Variants in OSBPL9 observed in about 807,000 individuals in gnomAD.
The protein encoded by OSBPL9 is oxysterol binding protein like 9.
In OSBPL9, 40 loss-of-function variants were observed where a neutral mutation model predicts 106.6. The observed-to-expected ratio is 0.38, with a 90% CI of 0.29 to 0.49. OSBPL9 has a LOEUF of 0.49. OSBPL9 is among the 20% of genes least tolerant of loss of function. The probability of loss-of-function intolerance (pLI) is 0.97; values close to 1 mark genes in which losing one functional copy is unlikely to be tolerated. For synonymous variants in OSBPL9, 269 were observed against 295.4 expected, an observed-to-expected ratio of 0.91 and a Z score of 0.92; for missense variants, 609 against 887.2, an observed-to-expected ratio of 0.69 and a Z score of 3.98.
intron 17 of OSBPL9, 51 bp downstream of exon 17, chr1:51,782,694 A>G: frequency 6.5e-7 from 1 of 1,534,802 alleles, no homozygotes; most frequent in Non-Finnish European, 9.0e-7. Context: ...TATTCTGTCT[A>G]AAGAGGGTCA....
intron 1 of OSBPL9, among the ~76,000 whole-genome samples, chr1:51,585,016 T>C (rs1336137482): frequency 2.6e-5 from 4 of 152,024 alleles, no homozygotes; most frequent in African/African-American, 9.7e-5. Context: ...GCACTACTTA[T>C]AATGTGAGCT....
intron 23 of OSBPL9, 46 bp downstream of exon 23, chr1:51,787,534 T>C: frequency 3.7e-6 from 6 of 1,610,508 alleles, no homozygotes; most frequent in Non-Finnish European, 5.1e-6. Context: ...CCTCCTAATT[T>C]ATTTCAGTGA....
intron 1 of OSBPL9, among the ~76,000 whole-genome samples, chr1:51,578,537 T>A (rs138880623): frequency 6.6e-6 from 1 of 152,328 alleles, no homozygotes; most frequent in East Asian, 1.9e-4. Flanking sequence ...TAATCTGACT[T>A]CCTCATATTA....
intron 1 of OSBPL9, among the ~76,000 whole-genome samples, chr1:51,647,801 A>G (rs1646261880): frequency 6.6e-6 from 1 of 151,544 alleles, no homozygotes. Flanking sequence ...ATGATTTATC[A>G]ATTTTGTTGA....
intron 3 of OSBPL9, among the ~76,000 whole-genome samples, chr1:51,680,578 T>C (rs1184166778): frequency 6.6e-6 from 1 of 151,790 alleles, no homozygotes; most frequent in Non-Finnish European, 1.5e-5. Context: ...GGAGAATCAC[T>C]TGAACTCGGG....
the OSBPL9 span, among the ~76,000 whole-genome samples, chr1:51,536,290 A>G: frequency 1.9e-4 from 29 of 151,986 alleles, 2 homozygotes; most frequent in Admixed American, 1.9e-3. Flanking sequence ...CATGACTTTT[A>G]AAAAGGTTTT....
At chr1:51,658,881 A>T (rs1213209904) in intron 2 of OSBPL9, among the ~76,000 whole-genome samples, 2 of 151,790 alleles carry the variant, frequency 1.3e-5, no homozygotes, top group Admixed American at 6.6e-5. Flanking sequence ...GTGAAAAGTC[A>T]CTCTATTCAT....
intron 4 of OSBPL9, among the ~76,000 whole-genome samples, chr1:51,722,793 A>G (rs1366223438): frequency 6.6e-6 from 1 of 152,256 alleles, no homozygotes; most frequent in African/African-American, 2.4e-5. Flanking sequence ...ATATCTGGCT[A>G]AAGTTTCTAC....
At chr1:51,691,814 C>CA (rs762624730) in intron 3 of OSBPL9, among the ~76,000 whole-genome samples, 1 of 151,516 alleles carries the variant, frequency 6.6e-6, no homozygotes, top group Non-Finnish European at 1.5e-5. Flanking sequence ...CCTAGGCCTA[C>CA]ACAGGGTCAG....
At chr1:51,557,642 GTAA>G in the OSBPL9 span, among the ~76,000 whole-genome samples, 8 of 152,180 alleles carry the variant, frequency 5.3e-5, no homozygotes, top group Non-Finnish European at 1.0e-4. Flanking sequence ...TCCCACTTGA[GTAA>G]TAACATGTAA....
At chr1:51,666,703 T>C (rs1648596352) in intron 2 of OSBPL9, among the ~76,000 whole-genome samples, 1 of 152,148 alleles carries the variant, frequency 6.6e-6, no homozygotes, top group Admixed American at 6.5e-5. Flanking sequence ...GCTGAATTCA[T>C]ATGGGGTGTC....
intron 1 of OSBPL9, among the ~76,000 whole-genome samples, chr1:51,589,073 A>ATTTTTC (rs1645260738): frequency 6.6e-6 from 1 of 150,402 alleles, no homozygotes; most frequent in South Asian, 2.1e-4. Context: ...AGGTGTATAC[A>ATTTTTC]TTTTTCTTTT....
chr1:51,784,334 G>T lies in OSBPL9; in HGVS notation c.1688+7G>T. On this transcript the variant is annotated splice_region_variant and intron_variant, in intron 19 of 23. Transcript: ENST00000428468. ...TCCCCAATGGCTATGGAAGGCAAGTGTGTCCATTTCCTCTGATCAGCAGTA... is the reference window on the plus strand; with the variant it reads ...TCCCCAATGGCTATGGAAGGCAAGTTTGTCCATTTCCTCTGATCAGCAGTA... 1 of 1,612,978 alleles carries T rather than the reference G, an allele frequency of 6.2e-7. No individual in the cohort carries two copies. The highest frequency in any genetic ancestry group is 8.5e-7 in the Non-Finnish European group (1 of 1,178,960).
rs563135104 is a variant in OSBPL9 at position 51,628,562 on chromosome 1, C to T, written c.111+11341C>T. Among the ~76,000 whole-genome samples, 20 of 149,386 alleles carry T rather than the reference C, an allele frequency of 1.3e-4. No individual in the cohort carries two copies. The South Asian group carries it at 3.8e-3, about 28-fold the overall frequency. On this transcript the variant is annotated intron_variant, in intron 1 of 23. Transcript: ENST00000428468. ...TTGCGCCACTGCACCCCAGCCTGGG[C>T]GACAGAGCAAGACTCCATCTCAAAA...
At chr1:51,527,354 ATGATGATGATGATGATGG>A in the OSBPL9 span, among the ~76,000 whole-genome samples, 1 of 151,982 alleles carries the variant, frequency 6.6e-6, no homozygotes, top group Admixed American at 6.6e-5. Context: ...GATGATGATG[ATGATGATGATGATGATGG>A]TGATTAAGAA....
intron 3 of OSBPL9, among the ~76,000 whole-genome samples, chr1:51,676,961 G>A (rs945122269): frequency 2.0e-5 from 3 of 152,186 alleles, no homozygotes; most frequent in Non-Finnish European, 4.4e-5. Context: ...AACAGGCACT[G>A]TACATTACTT....
the OSBPL9 span, among the ~76,000 whole-genome samples, chr1:51,553,807 T>C: frequency 1.3e-5 from 2 of 152,006 alleles, no homozygotes; most frequent in South Asian, 4.2e-4. Flanking sequence ...GCCTCCCGAG[T>C]ACCTGGGATT....
the OSBPL9 span, among the ~76,000 whole-genome samples, chr1:51,521,982 C>T: frequency 6.6e-6 from 1 of 152,072 alleles, no homozygotes; most frequent in African/African-American, 2.4e-5. Flanking sequence ...GTCTCGAACT[C>T]CTGACCTCAA....
intron 11 of OSBPL9, among the ~76,000 whole-genome samples, chr1:51,762,346 TAG>T (rs1045811052): frequency 2.0e-5 from 3 of 152,070 alleles, no homozygotes; most frequent in African/African-American, 7.2e-5. Context: ...TTAATTTTTG[TAG>T]AGAGGAGTCT....
Sources: allele counts gnomAD v4.1 joint callset (sites outside exome capture counted in the v4.1 genomes callset), GRCh38; gene constraint gnomAD v4.1.1; transcripts MANE v1.5; gene names NCBI Gene and HGNC (gene_info 2026-07-23, HGNC 2026-07-21).